The following ZNF521 variants were observed in gnomAD, a reference collection of about 807,000 sequenced individuals.
ZNF521 encodes LYST-interacting protein 3.
A neutral mutation model predicts 105.5 loss-of-function variants in ZNF521; 14 were observed. That is an observed-to-expected ratio of 0.13 (90% CI 0.09 to 0.21). ZNF521 has a LOEUF of 0.21. ZNF521 is among the 10% of genes least tolerant of loss of function. The probability of loss-of-function intolerance (pLI) is 1.00; values close to 1 mark genes in which losing one functional copy is unlikely to be tolerated. For missense variants in ZNF521, 1,233 were observed against 1,629.7 expected (o/e 0.76, Z 4.19); for synonymous variants, 635 against 606.0 (o/e 1.05, Z -0.70).
At chr18:25,237,148 G>T (rs1400125536) in intron 3 of ZNF521, among the ~76,000 whole-genome samples, 1 of 151,982 alleles carries the variant, frequency 6.6e-6, no homozygotes, top group Non-Finnish European at 1.5e-5. Flanking sequence ...TTATTTATGG[G>T]AACCAGTACA....
chr18:25,333,725 T>C (rs907227776), intron 2 of ZNF521, among the ~76,000 whole-genome samples: 32 of 152,322 alleles, frequency 2.1e-4, no homozygotes, highest in African/African-American at 7.7e-4. Flanking sequence ...AAATGTAATA[T>C]ATTTCGAACA....
intron 5 of ZNF521, among the ~76,000 whole-genome samples, chr18:25,160,908 G>C (rs1259333791): frequency 6.6e-6 from 1 of 152,024 alleles, no homozygotes; most frequent in African/African-American, 2.4e-5. Context: ...TAAATTTTGG[G>C]CACCAAACTG....
chr18:25,249,185 C>A (rs1424369133), intron 3 of ZNF521, among the ~76,000 whole-genome samples: 3 of 151,760 alleles, frequency 2.0e-5, no homozygotes, highest in African/African-American at 7.3e-5. Flanking sequence ...GCTCTGTCAC[C>A]CAGGCTGGAG....
intron 7 of ZNF521, among the ~76,000 whole-genome samples, chr18:25,070,819 A>G (rs942470794): frequency 1.3e-5 from 2 of 152,106 alleles, no homozygotes; most frequent in Non-Finnish European, 2.9e-5. Context: ...ATACTGTTTG[A>G]AAAACACTTG....
At chr18:25,129,696 C>T (rs778367867) in intron 5 of ZNF521, among the ~76,000 whole-genome samples, 24 of 151,868 alleles carry the variant, frequency 1.6e-4, no homozygotes, top group Non-Finnish European at 3.2e-4. Context: ...GACACTTCAC[C>T]GAAGAAGATA....
At chr18:25,251,139 G>A (rs78145949) in intron 3 of ZNF521, among the ~76,000 whole-genome samples, 2,253 of 152,200 alleles carry the variant, frequency 0.015, 45 homozygotes, top group East Asian at 0.077. Flanking sequence ...AGTTCTGCAG[G>A]GAGAAAATGC....
chr18:25,281,895 A>C (rs2093970089), intron 3 of ZNF521, among the ~76,000 whole-genome samples: 2 of 152,068 alleles, frequency 1.3e-5, no homozygotes, highest in Admixed American at 1.3e-4. Flanking sequence ...GCGGTACTTC[A>C]TCAGCATTTA....
intron 5 of ZNF521, among the ~76,000 whole-genome samples, chr18:25,130,472 T>C (rs887429725): frequency 3.3e-5 from 5 of 152,150 alleles, no homozygotes; most frequent in Non-Finnish European, 7.4e-5. Flanking sequence ...AACCCTAATA[T>C]AAACCGTGAA....
intron 5 of ZNF521, among the ~76,000 whole-genome samples, chr18:25,110,570 T>G (rs1175583398): frequency 6.6e-6 from 1 of 152,072 alleles, no homozygotes; most frequent in Admixed American, 6.5e-5. Context: ...TGATTCTTCT[T>G]TGTATCCTCA....
At chr18:25,091,489 G>A (rs2033745497) in intron 6 of ZNF521, among the ~76,000 whole-genome samples, 1 of 152,098 alleles carries the variant, frequency 6.6e-6, no homozygotes. Context: ...AATTTGGGGT[G>A]AGTTTTAATA....
At chr18:25,087,259 A>T (rs2033643935) in intron 7 of ZNF521, among the ~76,000 whole-genome samples, 1 of 152,214 alleles carries the variant, frequency 6.6e-6, no homozygotes. Context: ...AAAAGAGTGA[A>T]TACTATATGT....
chr18:25,350,179 C>T (rs1349332505), intron 2 of ZNF521, among the ~76,000 whole-genome samples: 2 of 152,206 alleles, frequency 1.3e-5, no homozygotes, highest in African/African-American at 2.4e-5. Flanking sequence ...CGCAACTTCC[C>T]TCTCCAACAG....
At chr18:25,297,044 A>G (rs1911361006) in intron 3 of ZNF521, among the ~76,000 whole-genome samples, 2 of 151,828 alleles carry the variant, frequency 1.3e-5, no homozygotes, top group Non-Finnish European at 2.9e-5. Context: ...TGTAAGTAGC[A>G]ACCATTTCTT....
At position 25,352,097 on chromosome 18, in the gene ZNF521, A is replaced by AG; in HGVS notation, c.-95dup. 2.1e-6 allele frequency: 1 copy of AG among 484,542 alleles called. No individual in the cohort carries two copies. 30.0% of individuals were successfully genotyped at this position (484,542 alleles called of 1,614,324 possible). A position where few individuals can be genotyped will look rare whatever the true frequency, so the allele number is the denominator to read the frequency against. Reference sequence around the variant, plus strand: ...CCCAAAGCCATCAGGATGGCTCCAGAGGGGGCCCCTAACCCGCAGGGACTC... The same window carrying AG: ...CCCAAAGCCATCAGGATGGCTCCAGAGGGGGGCCCCTAACCCGCAGGGACTC... On this transcript the variant is annotated 5_prime_UTR_variant, in exon 1 of 8. Coordinates refer to ENST00000361524, the MANE Select transcript of ZNF521 (RefSeq NM_015461.3).
chr18:25,306,711 T>C (rs1911999149), intron 3 of ZNF521, among the ~76,000 whole-genome samples: 1 of 151,786 alleles, frequency 6.6e-6, no homozygotes. Context: ...TAAGTAGTAA[T>C]CAATCTGAGA....
intron 3 of ZNF521, among the ~76,000 whole-genome samples, chr18:25,299,349 A>C (rs1211012167): frequency 6.6e-6 from 1 of 152,250 alleles, no homozygotes; most frequent in African/African-American, 2.4e-5. Flanking sequence ...AAATGCGAAC[A>C]AGACAACTAT....
At chr18:25,331,601 G>A (rs79532528) in intron 2 of ZNF521, among the ~76,000 whole-genome samples, 2,656 of 152,238 alleles carry the variant, frequency 0.017, 144 homozygotes, top group East Asian at 0.17. Context: ...TTGTATTAAC[G>A]ATATCATACT....
intron 3 of ZNF521, among the ~76,000 whole-genome samples, chr18:25,305,615 T>C (rs1188556771): frequency 6.6e-6 from 1 of 152,220 alleles, no homozygotes; most frequent in Non-Finnish European, 1.5e-5. Context: ...ATGTAATGAA[T>C]GCAATTAAAC....
At chr18:25,120,741 C>T (rs1339202178) in intron 5 of ZNF521, among the ~76,000 whole-genome samples, 2 of 152,070 alleles carry the variant, frequency 1.3e-5, no homozygotes, top group Non-Finnish European at 2.9e-5. Context: ...AAATTATTTT[C>T]CTTTTCTTAT....
Sources: gnomAD v4.1 joint callset for allele counts (sites outside exome capture counted in the v4.1 genomes callset) on GRCh38, gnomAD v4.1.1 for gene constraint, MANE v1.5 for transcripts, NCBI Gene and HGNC (gene_info 2026-07-23, HGNC 2026-07-21) for gene names.